The following HNRNPUL1 variants were observed in gnomAD, a reference collection of about 807,000 sequenced individuals.
HNRNPUL1 encodes the protein heterogeneous nuclear ribonucleoprotein U like 1, also known as heterogeneous nuclear ribonucleoprotein U-like protein 1.
HNRNPUL1 carries 14 observed loss-of-function variants against 108.5 expected under a neutral mutation model. The ratio of observed to expected loss-of-function variants is 0.13; its 90% CI spans 0.09 to 0.20. HNRNPUL1 has a LOEUF of 0.20. Among genes scored for constraint, HNRNPUL1 ranks in the 10% least tolerant of loss-of-function variants. The pLI is 1.00. For missense variants in HNRNPUL1, 804 were observed against 1,168.3 expected, an observed-to-expected ratio of 0.69 and a Z score of 4.55; for synonymous variants, 422 against 445.2, an observed-to-expected ratio of 0.95 and a Z score of 0.66.
At chr19:41,284,203 T>A (rs770392727) in intron 7 of HNRNPUL1, among the ~76,000 whole-genome samples, 9 of 152,142 alleles carry the variant, frequency 5.9e-5, no homozygotes, top group Admixed American at 1.3e-4. Context: ...CAAGAAAAAT[T>A]TGAATTGGTT....
At chr19:41,301,177 T>TC (rs1433606224) in intron 10 of HNRNPUL1, among the ~76,000 whole-genome samples, 2 of 152,198 alleles carry the variant, frequency 1.3e-5, no homozygotes, top group African/African-American at 4.8e-5. Flanking sequence ...CAGGGGTTTT[T>TC]CCTCTAAACT....
chr19:41,279,041 G>A (rs1305132153), intron 5 of HNRNPUL1, 36 bp from the exon 6 acceptor site: 1 of 1,517,232 alleles, frequency 6.6e-7, no homozygotes, highest in East Asian at 2.3e-5. Flanking sequence ...GGCCTCCAGA[G>A]AAGCAACCCT....
intron 3 of HNRNPUL1, 91 bp downstream of exon 3, chr19:41,272,326 G>C (rs920381995): frequency 2.4e-6 from 3 of 1,271,260 alleles, no homozygotes; most frequent in Non-Finnish European, 3.3e-6. Flanking sequence ...CTAACCTAGA[G>C]GGGCTGAGTA....
intron 7 of HNRNPUL1, among the ~76,000 whole-genome samples, chr19:41,285,700 T>G (rs2036180371): frequency 6.6e-6 from 1 of 152,150 alleles, no homozygotes; most frequent in South Asian, 2.1e-4. Flanking sequence ...GTGGTTCCCT[T>G]TTAAAATTAT....
At chr19:41,283,406 G>A (rs2036022903) in intron 7 of HNRNPUL1, among the ~76,000 whole-genome samples, 2 of 152,180 alleles carry the variant, frequency 1.3e-5, no homozygotes, top group East Asian at 1.9e-4. Context: ...TCAGCCACCC[G>A]AATAGCTGGG....
chr19:41,264,146 G>A (rs1229129860), upstream of HNRNPUL1, among the ~76,000 whole-genome samples: 1 of 152,242 alleles, frequency 6.6e-6, no homozygotes, highest in East Asian at 1.9e-4. Flanking sequence ...ATCAGCAAGC[G>A]CTCCGCCTCC....
intron 3 of HNRNPUL1, 44 bp from the exon 4 acceptor site, chr19:41,273,938 T>G (rs558537595): frequency 1.4e-6 from 2 of 1,439,684 alleles, no homozygotes; most frequent in Admixed American, 3.4e-5. Flanking sequence ...TCCTTTGTGC[T>G]CATCCATTGT....
In HNRNPUL1 at chr19:41,268,216, T is replaced by C. The variant is rs2034975341; in HGVS notation, c.296-7T>C. ...CTCTAATTGGCCATTTTTAATTTTG[T>C]TTTAAGATGCCATGGACAATATTAC... On this transcript the variant is annotated splice_polypyrimidine_tract_variant and splice_region_variant and intron_variant, in intron 1 of 14. Coordinates refer to ENST00000392006, the MANE Select transcript of HNRNPUL1 (RefSeq NM_007040.6). 3 of 1,612,194 alleles carry C rather than the reference T, an allele frequency of 1.9e-6. No individual in the cohort carries two copies. In the East Asian group the frequency reaches 6.7e-5, roughly 36 times the overall value.
chr19:41,268,350 G>A lies in HNRNPUL1; in HGVS notation c.418+5G>A, dbSNP rs764434095. On this transcript the variant is annotated splice_donor_5th_base_variant and intron_variant, in intron 2 of 14. Transcript: ENST00000392006. Reference sequence around the variant, plus strand: ...AGCAGCAGGCCTATCGTCCAGGTAGGAAAATACACATGGTTCATCTCTTTG... The same window carrying A: ...AGCAGCAGGCCTATCGTCCAGGTAGAAAAATACACATGGTTCATCTCTTTG... 1.9e-6 allele frequency: 3 copies of A among 1,612,990 alleles called. No individual in the cohort carries two copies. In the South Asian group the frequency reaches 3.3e-5, roughly 18 times the overall value.
chr19:41,295,236 T>TG (rs965599706), intron 10 of HNRNPUL1, among the ~76,000 whole-genome samples: 68 of 152,376 alleles, frequency 4.5e-4, no homozygotes, highest in African/African-American at 1.5e-3. Flanking sequence ...CAAATACGTA[T>TG]GACTGGCAGG....
intron 7 of HNRNPUL1, among the ~76,000 whole-genome samples, chr19:41,284,032 A>G (rs1004615649): frequency 6.6e-6 from 1 of 152,238 alleles, no homozygotes; most frequent in Non-Finnish European, 1.5e-5. Context: ...TCTTTTCGGT[A>G]AATTGTGTAT....
At chr19:41,267,714 G>T (rs1300142170) in intron 1 of HNRNPUL1, among the ~76,000 whole-genome samples, 1 of 152,240 alleles carries the variant, frequency 6.6e-6, no homozygotes, top group Non-Finnish European at 1.5e-5. Flanking sequence ...CCCTAACTGA[G>T]AGCTAGCCCC....
At chr19:41,298,491 C>T (rs771103126) in intron 10 of HNRNPUL1, 3 of 152,288 alleles carry the variant, frequency 2.0e-5, no homozygotes, top group Non-Finnish European at 4.4e-5. Flanking sequence ...TGTGACCTCA[C>T]TGTGTTTGCT....
chr19:41,267,482 C>T (rs1221424597), intron 1 of HNRNPUL1, among the ~76,000 whole-genome samples: 1 of 152,186 alleles, frequency 6.6e-6, no homozygotes, highest in Non-Finnish European at 1.5e-5. Flanking sequence ...CTTTGAGCCC[C>T]CTTCATGCCT....
intron 7 of HNRNPUL1, among the ~76,000 whole-genome samples, chr19:41,282,962 G>A (rs2035993316): frequency 6.6e-6 from 1 of 151,996 alleles, no homozygotes; most frequent in Non-Finnish European, 1.5e-5. Flanking sequence ...CCAAAGTGCT[G>A]GGATTACAGG....
upstream of HNRNPUL1, among the ~76,000 whole-genome samples, chr19:41,263,511 C>T (rs151076627): frequency 6.6e-5 from 10 of 152,308 alleles, no homozygotes; most frequent in African/African-American, 1.7e-4. Flanking sequence ...AAGGCGGCCG[C>T]GGACTACCCA....
intron 7 of HNRNPUL1, among the ~76,000 whole-genome samples, chr19:41,282,875 T>C (rs1351039755): frequency 3.3e-5 from 5 of 151,172 alleles, no homozygotes; most frequent in Admixed American, 1.3e-4. Flanking sequence ...ATTTTTTTTT[T>C]AGTAGAGACG....
At chr19:41,263,595 A>T (rs113789168), upstream of HNRNPUL1, among the ~76,000 whole-genome samples, 64 of 151,998 alleles carry the variant, frequency 4.2e-4, no homozygotes, top group Middle Eastern at 3.4e-3. Flanking sequence ...AACCTTCGGG[A>T]CTCTCTCAAC....
intron 7 of HNRNPUL1, among the ~76,000 whole-genome samples, chr19:41,287,924 G>A (rs1599817178): frequency 1.3e-5 from 2 of 151,974 alleles, no homozygotes; most frequent in East Asian, 1.9e-4. Context: ...CAAATTGTTC[G>A]GTTTTAAACC....
Sources: allele counts gnomAD v4.1 joint callset (sites outside exome capture counted in the v4.1 genomes callset), GRCh38; gene constraint gnomAD v4.1.1; transcripts MANE v1.5; gene names NCBI Gene and HGNC (gene_info 2026-07-23, HGNC 2026-07-21).